Variants in ABL2 observed in about 807,000 individuals in gnomAD.
ABL2 encodes ABL proto-oncogene 2, non-receptor tyrosine kinase.
Under a neutral mutation model 107.7 loss-of-function variants are expected in ABL2, and 49 were observed. The ratio of observed to expected loss-of-function variants is 0.45; its 90% CI spans 0.36 to 0.58. The LOEUF (loss-of-function observed/expected upper bound fraction) is 0.58. ABL2 is among the 20% of genes least tolerant of loss of function. The probability of loss-of-function intolerance (pLI) is 0.00; values close to 1 mark genes in which losing one functional copy is unlikely to be tolerated. For missense variants in ABL2, 1,245 were observed against 1,457.0 expected (o/e 0.85, Z 2.37); for synonymous variants, 549 against 548.6 (o/e 1.00, Z -0.01).
In ABL2 at chr1:179,105,072, C is replaced by T. The variant is rs916138929; in HGVS notation, c.*2646G>A. On this transcript the variant is annotated 3_prime_UTR_variant, in exon 12 of 12. Transcript: ENST00000502732. Reference sequence around the variant, plus strand: ...TTACATAGTTCAAGCATCATGTGGACGGGGTATGCTCCAATAGTCAATGCC... The same window carrying T: ...TTACATAGTTCAAGCATCATGTGGATGGGGTATGCTCCAATAGTCAATGCC... 10 of 229,932 alleles carry T rather than the reference C, an allele frequency of 4.3e-5. No homozygotes were observed. Among genetic ancestry groups the T allele is most frequent in the African/African-American group, 1.6e-4 (7 of 45,138 alleles). The allele number at this position is 229,932 out of a possible 1,614,324, so 14.2% of individuals were successfully genotyped here. A position where few individuals can be genotyped will look rare whatever the true frequency, so the allele number is the denominator to read the frequency against.
chr1:179,128,665 T>C (rs1297527765), intron 3 of ABL2, among the ~76,000 whole-genome samples: 2 of 152,202 alleles, frequency 1.3e-5, no homozygotes, highest in Non-Finnish European at 2.9e-5. Flanking sequence ...TTGGCCAAAC[T>C]GGCAGAGCAA....
chr1:179,218,542 G>A (rs561457839), intron 1 of ABL2, among the ~76,000 whole-genome samples: 2 of 152,252 alleles, frequency 1.3e-5, no homozygotes, highest in African/African-American at 2.4e-5. Flanking sequence ...GACTACAGGC[G>A]TACGCCACCA....
intron 1 of ABL2, among the ~76,000 whole-genome samples, chr1:179,158,293 A>C (rs1310506825): frequency 6.6e-6 from 1 of 152,250 alleles, no homozygotes; most frequent in African/African-American, 2.4e-5. Context: ...TGGGAGAGAA[A>C]TAATACATAA....
In ABL2 at chr1:179,107,924, G is replaced by A; in HGVS notation, c.3343C>T (p.Gln1115Ter). ...TAGCCTGAGCAGTAGTCAAGCAGCT[G>A]GTGTCCAGTGTCTACCAGCTGGCTG... ...PNSQLVDTGH[Q>*]LLDYCSGYVD... is the part of the protein sequence containing the mutation. The change falls in exon 12 of 12, where the codon CAG (glutamine) becomes TAG (stop). Residue 1115 changes from glutamine to a stop codon, truncating the protein, a stop_gained. Transcript: ENST00000502732. LOFTEE classifies it high-confidence loss of function. 1.9e-6 allele frequency: 3 copies of A among 1,614,238 alleles called. No individual in the cohort carries two copies. Among genetic ancestry groups the A allele is most frequent in the African/African-American group, 1.3e-5 (1 of 75,056 alleles).
chr1:179,126,758 A>AT lies in ABL2; in HGVS notation c.392-87dup. On this transcript the variant is annotated intron_variant, in intron 3 of 11. Coordinates refer to ENST00000502732, the MANE Select transcript of ABL2 (RefSeq NM_007314.4). This position sits in a 1 kb window ranked among gnomAD's most constrained non-coding sequence, Gnocchi z 4.4. ...CAGTGTACTGTCAAACTTTAAACTC[A>AT]TTAAAAAAAAAAAAGAATCTAGAAC... 1 of 1,232,842 alleles carries AT rather than the reference A, an allele frequency of 8.1e-7. No homozygotes were observed. Among genetic ancestry groups the AT allele is most frequent in the Non-Finnish European group, 1.1e-6 (1 of 919,528 alleles). The allele number at this position is 1,232,842 out of a possible 1,614,324, so 76.4% of individuals were successfully genotyped here.
intron 1 of ABL2, among the ~76,000 whole-genome samples, chr1:179,140,614 AT>A (rs1418035095): frequency 6.6e-6 from 1 of 152,252 alleles, no homozygotes; most frequent in East Asian, 1.9e-4. Context: ...CTCAAAAAAG[AT>A]TTGCTGAATG....
intron 1 of ABL2, chr1:179,201,634 A>G: frequency 2.1e-6 from 1 of 469,886 alleles, no homozygotes; most frequent in South Asian, 2.0e-5. Context: ...ATGGATACCC[A>G]AGAGTCTTCC....
intron 1 of ABL2, chr1:179,184,433 G>T: frequency 1.0e-6 from 1 of 1,004,922 alleles, no homozygotes. Context: ...AGGCACCAGA[G>T]AGCTTCTTTA....
chr1:179,130,729 TGTGTG>T (rs1656226681), intron 3 of ABL2, among the ~76,000 whole-genome samples: 1 of 99,402 alleles, frequency 1.0e-5, no homozygotes. Flanking sequence ...ATTGATTTTG[TGTGTG>T]TGTGTGTGTG....
chr1:179,167,222 T>C (rs909586789), intron 1 of ABL2, among the ~76,000 whole-genome samples: 3 of 152,168 alleles, frequency 2.0e-5, no homozygotes, highest in Non-Finnish European at 4.4e-5. Context: ...GGAAATCTAT[T>C]TGGCCATAAA....
intron 1 of ABL2, among the ~76,000 whole-genome samples, chr1:179,169,157 G>A (rs1659569241): frequency 6.6e-6 from 1 of 152,108 alleles, no homozygotes; most frequent in African/African-American, 2.4e-5. Context: ...TGAAATATCA[G>A]TGTAACACAA....
In ABL2 at chr1:179,118,753, A is replaced by G. The variant is rs774241325; in HGVS notation, c.1057T>C (p.Leu353=). Residue 353 remains leucine (L), a synonymous_variant, in exon 7 of 12, where the codon TTG becomes CTG. Coordinates refer to ENST00000502732, the MANE Select transcript of ABL2 (RefSeq NM_007314.4). ...NLVQLLGVCT[L]EPPFYIVTEY... ...GTCACAATGTAAAATGGTGGCTCCA[A>G]AGTACACACACCTAAAAGTTGAACA... is the stretch of plus-strand genomic sequence containing the variant. The G allele has an allele frequency of 4.3e-6, 7 of 1,614,058 alleles. No homozygotes were observed. The East Asian group carries it at 1.6e-4, about 36-fold the overall frequency.
At chr1:179,125,708 G>A (rs2793798) in intron 4 of ABL2, among the ~76,000 whole-genome samples, 98,721 of 152,108 alleles carry the variant, frequency 0.65, 32,411 homozygotes, top group Middle Eastern at 0.75. Flanking sequence ...TGAGACTTAT[G>A]TAAGGTCACA....
intron 1 of ABL2, among the ~76,000 whole-genome samples, chr1:179,149,299 G>A (rs1658221303): frequency 6.6e-6 from 1 of 152,236 alleles, no homozygotes; most frequent in Non-Finnish European, 1.5e-5. Context: ...GAGAGGTAAG[G>A]AAGCTGCAGA....
Position 179,109,034 on chromosome 1 carries a change from A to AGC in ABL2, c.2232_2233insGC (p.Trp745AlafsTer13). The stretch of plus-strand genomic sequence containing the variant: ...GTAAAGAAGCCTGTGATGCCAGACC[A>AGC]CCCACCCCCAGCAGTGCCACTGCCC... On this transcript the variant is annotated frameshift_variant, in exon 12 of 12. Coordinates refer to ENST00000502732, the MANE Select transcript of ABL2 (RefSeq NM_007314.4). LOFTEE classifies it high-confidence loss of function. 4 of 1,431,664 alleles carry AGC rather than the reference A, an allele frequency of 2.8e-6. No individual in the cohort carries two copies. The highest frequency in any genetic ancestry group is 2.7e-5 in the East Asian group (1 of 37,070). The allele number at this position is 1,431,664 out of a possible 1,614,324, so 88.7% of individuals were successfully genotyped here.
rs28914486 is a variant in ABL2 at position 179,176,682 on chromosome 1, T to A, written c.158-43308A>T. ...TTTATTAGCAGCAGTCAGCATTTGTTTTTAGTGTTGTTACATATTCTTTTT... is the reference window on the plus strand; with the variant it reads ...TTTATTAGCAGCAGTCAGCATTTGTATTTAGTGTTGTTACATATTCTTTTT... On this transcript the variant is annotated intron_variant, in intron 1 of 11. Transcript: ENST00000502732. 4.2e-3 allele frequency among the ~76,000 whole-genome samples: 585 copies of A among 137,836 alleles called. 6 individuals carry two copies. Among genetic ancestry groups the A allele is most frequent in the African/African-American group, 0.015 (545 of 36,636 alleles). 90.4% of individuals were successfully genotyped at this position (137,836 alleles called of 152,430 possible).
Position 179,126,074 on chromosome 1 carries a change from C to T in ABL2, c.687+303G>A, listed in dbSNP as rs1045679488. ...AACTGATAAACTCTATACCAGTGCA[C>T]TGGGTGTATATTTGTGTACTGATTA... On this transcript the variant is annotated intron_variant, in intron 4 of 11. Coordinates refer to ENST00000502732, the MANE Select transcript of ABL2 (RefSeq NM_007314.4). This position sits in a 1 kb window ranked among gnomAD's most constrained non-coding sequence, Gnocchi z 4.4. Among the ~76,000 whole-genome samples, 2 of 152,208 alleles carry T rather than the reference C, an allele frequency of 1.3e-5. No homozygotes were observed. Among genetic ancestry groups the T allele is most frequent in the African/African-American group, 4.8e-5 (2 of 41,450 alleles).
Position 179,108,323 on chromosome 1 carries a change from A to G in ABL2, c.2944T>C (p.Cys982Arg). 6.2e-7 allele frequency: 1 copy of G among 1,614,184 alleles called. No individual in the cohort carries two copies. Among genetic ancestry groups the G allele is most frequent in the Non-Finnish European group, 8.5e-7 (1 of 1,180,038 alleles). The change falls in exon 12 of 12, where the codon TGT becomes CGT. Residue 982 changes from cysteine to arginine, a missense_variant. By Grantham distance (180) the Cys-to-Arg change is radical. Transcript: ENST00000502732. ...KDRPRRVKPK[C>R]APPPPPVMRL... ...ATCACTGGTGGTGGGGGTGGGGCAC[A>G]CTTTGGTTTTACCCGTCGGGGTCGG...
chr1:179,228,687 A>T (rs1050861130), intron 1 of ABL2, among the ~76,000 whole-genome samples: 7 of 152,138 alleles, frequency 4.6e-5, no homozygotes, highest in African/African-American at 1.4e-4. Flanking sequence ...AGCATGTCAA[A>T]AGTGATAAGA....
Sources: gnomAD v4.1 joint callset for allele counts (sites outside exome capture counted in the v4.1 genomes callset) on GRCh38, gnomAD v4.1.1 for gene constraint, Gnocchi (gnomAD v3.1) non-coding constraint, MANE v1.5 for transcripts, NCBI Gene and HGNC (gene_info 2026-07-23, HGNC 2026-07-21) for gene names.